Variants in NDUFS1 observed in about 807,000 individuals in gnomAD.
The protein encoded by NDUFS1 is NADH-ubiquinone oxidoreductase 75 kDa subunit, mitochondrial.
In NDUFS1, 61 loss-of-function variants were observed where a neutral mutation model predicts 84.4. The ratio of observed to expected loss-of-function variants is 0.72; its 90% CI spans 0.59 to 0.89. The LOEUF (loss-of-function observed/expected upper bound fraction) is 0.89. Among genes scored for constraint, NDUFS1 ranks in the 40% least tolerant of loss-of-function variants. The pLI is 0.00. For missense variants in NDUFS1, 891 were observed against 890.0 expected (o/e 1.00, Z -0.01); for synonymous variants, 275 against 290.0 (o/e 0.95, Z 0.53).
Position 206,138,498 on chromosome 2 carries a change from T to G in NDUFS1, c.1379A>C (p.His460Pro). 6.2e-7 allele frequency: 1 copy of G among 1,614,104 alleles called. No individual in the cohort carries two copies. The highest frequency in any genetic ancestry group is 8.5e-7 in the Non-Finnish European group (1 of 1,179,954). ...AGTTGAGAGCACCTGGCTAAATGGA[T>G]GGCTTCCCGAAGCAATGTCTTGAAG... is the stretch of plus-strand genomic sequence containing the variant. ...KILQDIASGS[H>P]PFSQVLKEAK... Residue 460 changes from histidine (H) to proline (P), a missense_variant, in exon 13 of 19, where the codon CAT becomes CCT. Physicochemically the swap from His to Pro is moderately conservative, Grantham distance 77. Coordinates refer to ENST00000233190, the MANE Select transcript of NDUFS1 (RefSeq NM_005006.7).
rs6710464 is a variant in NDUFS1, at chr2:206,138,236, G to A, written c.1392+249C>T. ...CTCCCAAGTAGCTGATACTACAGGCGCACGCTAACTTTGGTTTGTATTTTA... is the reference window on the plus strand; with the variant it reads ...CTCCCAAGTAGCTGATACTACAGGCACACGCTAACTTTGGTTTGTATTTTA... On this transcript the variant is annotated intron_variant, in intron 13 of 18. Transcript: ENST00000233190. Among the ~76,000 whole-genome samples the A allele has an allele frequency of 0.026, 3,999 of 152,040 alleles. 178 individuals are homozygous for A. The highest frequency in any genetic ancestry group is 0.092 in the African/African-American group (3,802 of 41,462).
At chr2:206,140,630 G>A (rs545097326) in intron 12 of NDUFS1, among the ~76,000 whole-genome samples, 56 of 151,912 alleles carry the variant, frequency 3.7e-4, no homozygotes, top group African/African-American at 1.3e-3. Context: ...ACAGGCATGC[G>A]CCACCATGCC....
chr2:206,115,519 C>T lies in NDUFS1; in HGVS notation c.*8666G>A, dbSNP rs530039274. 56 of 192,730 alleles carry T rather than the reference C, an allele frequency of 2.9e-4. No homozygotes were observed. The highest frequency in any genetic ancestry group is 1.5e-4 in the Non-Finnish European group (14 of 95,562). The allele number at this position is 192,730 out of a possible 1,614,324, so 11.9% of individuals were successfully genotyped here. ...GATGCTGGCACCTGATCATGGTCTTCCTGGCCTCCAGAATTGTAAGAAGTA... is the reference window on the plus strand; with the variant it reads ...GATGCTGGCACCTGATCATGGTCTTTCTGGCCTCCAGAATTGTAAGAAGTA... On this transcript the variant is annotated 3_prime_UTR_variant, in exon 19 of 19. Coordinates refer to ENST00000233190, the MANE Select transcript of NDUFS1 (RefSeq NM_005006.7).
At chr2:206,159,254 C>CGTCGCGTG in intron 1 of NDUFS1, 87 bp downstream of exon 1, 1 of 967,726 alleles carries the variant, frequency 1.0e-6, no homozygotes, top group Non-Finnish European at 1.6e-6. Flanking sequence ...CAGAAGACTA[C>CGTCGCGTG]GTCGCGTGGG....
At chr2:206,152,625 C>T in intron 2 of NDUFS1, 115 bp from the exon 3 acceptor site, 2 of 810,808 alleles carry the variant, frequency 2.5e-6, no homozygotes, top group East Asian at 2.7e-5. Context: ...TATTATTCCT[C>T]TGTATTGCTC....
At chr2:206,156,136 G>A (rs1355126269) in intron 1 of NDUFS1, among the ~76,000 whole-genome samples, 1 of 151,660 alleles carries the variant, frequency 6.6e-6, no homozygotes, top group Non-Finnish European at 1.5e-5. Context: ...GGTGGCAGGC[G>A]CCTGTAGTCC....
intron 15 of NDUFS1, among the ~76,000 whole-genome samples, chr2:206,129,533 G>C (rs1008030837): frequency 3.3e-5 from 5 of 151,750 alleles, no homozygotes; most frequent in Admixed American, 2.6e-4. Context: ...AAAGTGGTGG[G>C]ATTACAGCAT....
In NDUFS1 at chr2:206,121,006, C is replaced by T. The variant is rs1291793280; in HGVS notation, c.*3179G>A. 2.6e-5 allele frequency: 4 copies of T among 152,196 alleles called. No homozygotes were observed. In the East Asian group the frequency reaches 7.7e-4, roughly 29 times the overall value. The allele number at this position is 152,196 out of a possible 1,614,324, so 9.4% of individuals were successfully genotyped here. On this transcript the variant is annotated 3_prime_UTR_variant, in exon 19 of 19. Transcript: ENST00000233190. ...AAGTACTTCTAATTAAACACTCCTG[C>T]CATTAGTATCTAGCTGTGTAGCCAT...
chr2:206,147,419 C>A (rs866619960), intron 7 of NDUFS1, 112 bp downstream of exon 7: 2 of 1,079,980 alleles, frequency 1.9e-6, no homozygotes, highest in Middle Eastern at 2.8e-4. Context: ...CAGCATCCCT[C>A]TTCTCCCACC....
In NDUFS1 at chr2:206,147,106, T is replaced by C. The variant is rs377250536; in HGVS notation, c.552-18A>G. 1.9e-6 allele frequency: 3 copies of C among 1,613,400 alleles called. No homozygotes were observed. The highest frequency in any genetic ancestry group is 1.7e-6 in the Non-Finnish European group (2 of 1,179,546). ...TTGCAAACCTACAAGATAAAAAATGTGTCATCAATGGTCAAGTCCAGCAAA... is the reference window on the plus strand; with the variant it reads ...TTGCAAACCTACAAGATAAAAAATGCGTCATCAATGGTCAAGTCCAGCAAA... On this transcript the variant is annotated intron_variant, in intron 7 of 18. Transcript: ENST00000233190.
intron 3 of NDUFS1, among the ~76,000 whole-genome samples, chr2:206,150,981 T>C (rs980389576): frequency 6.6e-6 from 1 of 152,168 alleles, no homozygotes; most frequent in Non-Finnish European, 1.5e-5. Context: ...CGGGTCTTCA[T>C]CATTCCTGAA....
intron 8 of NDUFS1, among the ~76,000 whole-genome samples, chr2:206,146,597 TA>T (rs1692162434): frequency 6.6e-6 from 1 of 152,168 alleles, no homozygotes; most frequent in African/African-American, 2.4e-5. Flanking sequence ...GTTGAAAACT[TA>T]ATAAACAACA....
intron 8 of NDUFS1, among the ~76,000 whole-genome samples, chr2:206,145,325 T>C (rs1274106783): frequency 6.6e-6 from 1 of 152,012 alleles, no homozygotes; most frequent in Non-Finnish European, 1.5e-5. Flanking sequence ...GGTGTCTCAT[T>C]ATGCTGACCA....
Position 206,127,904 on chromosome 2 carries a change from A to C in NDUFS1, c.1777T>G (p.Ser593Ala). ...CCCTCAGTGTTGACATATGTAGCAGACTTCTCTGTGTAAGCAGCTCCTGGG... is the reference window on the plus strand; with the variant it reads ...CCCTCAGTGTTGACATATGTAGCAGCCTTCTCTGTGTAAGCAGCTCCTGGG... ...ILPGAAYTEK[S>A]ATYVNTEGRA... is the part of the protein sequence containing the mutation. Residue 593 changes from serine to alanine, a missense_variant, in exon 16 of 19, where the codon TCT (serine) becomes GCT (alanine). By Grantham distance (99) the Ser-to-Ala change is moderately conservative. Coordinates refer to ENST00000233190, the MANE Select transcript of NDUFS1 (RefSeq NM_005006.7). 1 of 1,614,150 alleles carries C rather than the reference A, an allele frequency of 6.2e-7. No individual in the cohort carries two copies. The highest frequency in any genetic ancestry group is 8.5e-7 in the Non-Finnish European group (1 of 1,180,020).
chr2:206,156,362 T>G (rs1029401705), intron 1 of NDUFS1, among the ~76,000 whole-genome samples: 1 of 148,954 alleles, frequency 6.7e-6, no homozygotes, highest in Non-Finnish European at 1.5e-5. Flanking sequence ...GGCTTGGGTC[T>G]AACAGTTAGA....
chr2:206,136,227 T>G (rs1053475133), intron 13 of NDUFS1, among the ~76,000 whole-genome samples: 6 of 151,540 alleles, frequency 4.0e-5, no homozygotes, highest in Admixed American at 6.6e-5. Flanking sequence ...GTATTTTTTT[T>G]TTTTTAAGCA....
At chr2:206,128,200 C>T (rs565393269) in intron 15 of NDUFS1, among the ~76,000 whole-genome samples, 2 of 152,180 alleles carry the variant, frequency 1.3e-5, no homozygotes, top group East Asian at 3.9e-4. Flanking sequence ...GAGTCTCGCT[C>T]TGTCGCCCAG....
Position 206,140,917 on chromosome 2 carries a change from A to AGT in NDUFS1, c.1262+1022_1262+1023dup, listed in dbSNP as rs1317165489. ...TAGATTCACACACACATATATATGT[A>AGT]GTGTGTATATATATATATATATATA... On this transcript the variant is annotated intron_variant, in intron 12 of 18. Coordinates refer to ENST00000233190, the MANE Select transcript of NDUFS1 (RefSeq NM_005006.7). Among the ~76,000 whole-genome samples the AGT allele has an allele frequency of 3.4e-3, 342 of 100,270 alleles. 1 individual carries two copies. The highest frequency in any genetic ancestry group is 0.013 in the African/African-American group (323 of 25,000). 65.8% of individuals were successfully genotyped at this position (100,270 alleles called of 152,430 possible).
chr2:206,124,125 T>C lies in NDUFS1; in HGVS notation c.*60A>G. ...TACAAAGAAATAAACCTGTAAAGGATCACTGCACTACAGTTGTCCATTAAT... is the reference window on the plus strand; with the variant it reads ...TACAAAGAAATAAACCTGTAAAGGACCACTGCACTACAGTTGTCCATTAAT... On this transcript the variant is annotated 3_prime_UTR_variant, in exon 19 of 19. Coordinates refer to ENST00000233190, the MANE Select transcript of NDUFS1 (RefSeq NM_005006.7). 1 of 1,022,842 alleles carries C rather than the reference T, an allele frequency of 9.8e-7. No homozygotes were observed. Among genetic ancestry groups the C allele is most frequent in the Non-Finnish European group, 1.6e-6 (1 of 641,262 alleles). The allele number at this position is 1,022,842 out of a possible 1,614,324, so 63.4% of individuals were successfully genotyped here.
Sources: gnomAD v4.1 joint callset for allele counts (sites outside exome capture counted in the v4.1 genomes callset) on GRCh38, gnomAD v4.1.1 for gene constraint, MANE v1.5 for transcripts, NCBI Gene and HGNC (gene_info 2026-07-23, HGNC 2026-07-21) for gene names.